Variants in TAFA2 observed in about 807,000 individuals in gnomAD.
TAFA2 encodes chemokine-like protein TAFA-2.
Under a neutral mutation model 18.8 loss-of-function variants are expected in TAFA2, and 7 were observed. That is an observed-to-expected ratio of 0.37 (90% CI 0.21 to 0.70). The LOEUF (loss-of-function observed/expected upper bound fraction) is 0.70, where lower values mean the gene tolerates loss of function less well. Ranked by LOEUF, TAFA2 falls within the 30% of genes least tolerant of loss-of-function variation. TAFA2 has a pLI of 0.53. For synonymous variants in TAFA2, 60 were observed against 54.2 expected (o/e 1.11, Z -0.47); for missense variants, 122 against 158.1 (o/e 0.77, Z 1.23).
intron 1 of TAFA2, among the ~76,000 whole-genome samples, chr12:62,031,485 T>TTA (rs148513671): frequency 2.7e-4 from 40 of 150,634 alleles, no homozygotes; most frequent in African/African-American, 4.4e-4. Context: ...AAACTCCCCT[T>TTA]TATATATATA....
intron 2 of TAFA2, among the ~76,000 whole-genome samples, chr12:61,844,738 T>A (rs1873331436): frequency 6.6e-6 from 1 of 152,128 alleles, no homozygotes; most frequent in Non-Finnish European, 1.5e-5. Context: ...CATGAACAAT[T>A]ATCAGCCATG....
intron 1 of TAFA2, among the ~76,000 whole-genome samples, chr12:62,000,838 T>C (rs1880353513): frequency 6.6e-6 from 1 of 152,228 alleles, no homozygotes. Flanking sequence ...TACTCTAAGA[T>C]TCCATTTATA....
At chr12:61,716,087 T>A (rs1869645379) in intron 4 of TAFA2, among the ~76,000 whole-genome samples, 1 of 152,128 alleles carries the variant, frequency 6.6e-6, no homozygotes, top group African/African-American at 2.4e-5. Flanking sequence ...AGTAAATGAG[T>A]TAATAGGTTA....
At chr12:62,011,267 G>A (rs916361815) in intron 1 of TAFA2, among the ~76,000 whole-genome samples, 1 of 152,188 alleles carries the variant, frequency 6.6e-6, no homozygotes, top group Non-Finnish European at 1.5e-5. Context: ...TGACCATCGA[G>A]AGCGGGCCAT....
At chr12:61,818,967 T>A (rs1212179653) in intron 2 of TAFA2, among the ~76,000 whole-genome samples, 1 of 152,218 alleles carries the variant, frequency 6.6e-6, no homozygotes, top group Non-Finnish European at 1.5e-5. Context: ...TTCAAACACT[T>A]GCTTCTTCCA....
intron 1 of TAFA2, among the ~76,000 whole-genome samples, chr12:61,990,164 A>T (rs74096155): frequency 0.018 from 2,724 of 152,154 alleles, 81 homozygotes; most frequent in African/African-American, 0.063. Context: ...AGGAAAAAAA[A>T]TTCAAGACAG....
At chr12:61,963,364 C>T (rs1041192954) in intron 1 of TAFA2, among the ~76,000 whole-genome samples, 1 of 151,952 alleles carries the variant, frequency 6.6e-6, no homozygotes, top group Non-Finnish European at 1.5e-5. Context: ...TCTGTCGTTT[C>T]CTGACTTTTG....
intron 2 of TAFA2, among the ~76,000 whole-genome samples, chr12:61,854,590 G>A (rs939836486): frequency 4.7e-5 from 7 of 148,724 alleles, no homozygotes; most frequent in Non-Finnish European, 1.0e-4. Context: ...GAGGGAGGAG[G>A]GAAAAAGGTC....
At chr12:62,057,304 G>A (rs561912977) in intron 1 of TAFA2, among the ~76,000 whole-genome samples, 1 of 151,924 alleles carries the variant, frequency 6.6e-6, no homozygotes, top group South Asian at 2.1e-4. Flanking sequence ...TCTCAGTTTT[G>A]TCCCTTCTTT....
intron 1 of TAFA2, among the ~76,000 whole-genome samples, chr12:62,039,530 A>T (rs1046215641): frequency 6.6e-6 from 1 of 152,158 alleles, no homozygotes; most frequent in African/African-American, 2.4e-5. Context: ...GGCATTAAGC[A>T]ATGTTGAGAG....
intron 2 of TAFA2, among the ~76,000 whole-genome samples, chr12:61,843,377 T>C (rs1873269655): frequency 6.6e-6 from 1 of 151,972 alleles, no homozygotes. Context: ...AAACAAAAAA[T>C]GAGGCTGACC....
In TAFA2 at chr12:62,018,455, CTTAAAA is replaced by C. The variant is rs1159244410; in HGVS notation, c.-1-151035_-1-151030del. On this transcript the variant is annotated intron_variant, in intron 1 of 4. Transcript: ENST00000416284. ...ATCTAGAAATGTCAGTTCAACTAAA[CTTAAAA>C]TTAATATAGACCAATGGAGCAGAAC... 2.6e-5 allele frequency among the ~76,000 whole-genome samples: 4 copies of C among 152,058 alleles called. No individual in the cohort carries two copies. In the East Asian group the frequency reaches 5.8e-4, roughly 22 times the overall value.
At chr12:61,793,234 C>A (rs1211513621) in intron 2 of TAFA2, among the ~76,000 whole-genome samples, 1 of 150,932 alleles carries the variant, frequency 6.6e-6, no homozygotes, top group Non-Finnish European at 1.5e-5. Flanking sequence ...AAAGTAAGGA[C>A]AAAGAGGCAA....
intron 2 of TAFA2, among the ~76,000 whole-genome samples, chr12:61,845,999 T>C (rs1219457898): frequency 6.6e-6 from 1 of 152,182 alleles, no homozygotes; most frequent in East Asian, 1.9e-4. Context: ...AAAATAAGCT[T>C]TTATTCAGCT....
intron 1 of TAFA2, among the ~76,000 whole-genome samples, chr12:62,121,917 A>T (rs1565751636): frequency 6.6e-6 from 1 of 152,204 alleles, no homozygotes; most frequent in Non-Finnish European, 1.5e-5. Flanking sequence ...TCACCTTTGT[A>T]TTTTACTGAA....
chr12:61,758,638 C>T (rs1001584866), intron 2 of TAFA2, among the ~76,000 whole-genome samples: 3 of 151,776 alleles, frequency 2.0e-5, no homozygotes, highest in African/African-American at 4.8e-5. Flanking sequence ...GAAATAGATA[C>T]CTAAGAAAGA....
At chr12:62,236,272 CTTTTT>C (rs58214265) in intron 1 of TAFA2, among the ~76,000 whole-genome samples, 1 of 120,640 alleles carries the variant, frequency 8.3e-6, no homozygotes, top group Admixed American at 9.2e-5. Context: ...TTTTTTTTTT[CTTTTT>C]TTTTTTTGAG....
chr12:62,216,039 AT>A (rs2062734536), intron 1 of TAFA2, among the ~76,000 whole-genome samples: 1 of 152,160 alleles, frequency 6.6e-6, no homozygotes, highest in Admixed American at 6.5e-5. Context: ...ACCAAAAGCC[AT>A]TTTCTCAACT....
At chr12:62,223,515 A>G (rs2062773047) in intron 1 of TAFA2, among the ~76,000 whole-genome samples, 1 of 152,238 alleles carries the variant, frequency 6.6e-6, no homozygotes, top group Admixed American at 6.5e-5. Context: ...TGATGCTGAA[A>G]AAAACTGGAT....
Sources: gnomAD v4.1 joint callset for allele counts (sites outside exome capture counted in the v4.1 genomes callset) on GRCh38, gnomAD v4.1.1 for gene constraint, MANE v1.5 for transcripts, NCBI Gene and HGNC (gene_info 2026-07-23, HGNC 2026-07-21) for gene names.